LRBA: variants seen among roughly 807,000 people sequenced by gnomAD.
The protein encoded by LRBA is lipopolysaccharide-responsive and beige-like anchor protein.
Under a neutral mutation model 330.0 loss-of-function variants are expected in LRBA, and 176 were observed. The observed-to-expected ratio is 0.53, with a 90% CI of 0.47 to 0.60. The LOEUF (loss-of-function observed/expected upper bound fraction) is 0.60, where lower values mean the gene tolerates loss of function less well. Ranked by LOEUF, LRBA falls within the 20% of genes least tolerant of loss-of-function variation. LRBA has a pLI of 0.00. For missense variants in LRBA, 3,259 were observed against 3,444.8 expected, an observed-to-expected ratio of 0.95 and a Z score of 1.35; for synonymous variants, 1,230 against 1,193.0, an observed-to-expected ratio of 1.03 and a Z score of -0.64.
At chr4:150,641,195 G>A (rs1370126950) in intron 37 of LRBA, among the ~76,000 whole-genome samples, 3 of 152,000 alleles carry the variant, frequency 2.0e-5, no homozygotes, top group Non-Finnish European at 2.9e-5. Flanking sequence ...ACATTTCGCA[G>A]TAATATAATT....
At chr4:150,769,269 G>A (rs1354222774) in intron 34 of LRBA, among the ~76,000 whole-genome samples, 2 of 151,892 alleles carry the variant, frequency 1.3e-5, no homozygotes, top group South Asian at 2.1e-4. Flanking sequence ...TCTATGCCCC[G>A]GTATTAATCA....
intron 40 of LRBA, among the ~76,000 whole-genome samples, chr4:150,506,104 A>C (rs1349910249): frequency 6.6e-6 from 1 of 152,176 alleles, no homozygotes; most frequent in Admixed American, 6.5e-5. Context: ...CAACCAAAAA[A>C]AGTCCAGGAC....
chr4:150,418,305 C>T (rs1003561944), intron 46 of LRBA, among the ~76,000 whole-genome samples: 1 of 152,098 alleles, frequency 6.6e-6, no homozygotes, highest in Non-Finnish European at 1.5e-5. Flanking sequence ...TTTTTAAATA[C>T]ACATTTATTA....
chr4:150,744,135 T>A (rs1732384642), intron 35 of LRBA, among the ~76,000 whole-genome samples: 1 of 152,186 alleles, frequency 6.6e-6, no homozygotes, highest in Non-Finnish European at 1.5e-5. Context: ...AGTGTAATTT[T>A]AAAACCCACT....
chr4:150,915,320 T>C (rs1281218159), intron 8 of LRBA, among the ~76,000 whole-genome samples: 2 of 152,102 alleles, frequency 1.3e-5, no homozygotes, highest in Non-Finnish European at 2.9e-5. Context: ...CAGAACCCTA[T>C]AGTGGAGCTC....
chr4:150,538,900 T>G (rs1174007441), intron 40 of LRBA, among the ~76,000 whole-genome samples: 1 of 151,858 alleles, frequency 6.6e-6, no homozygotes, highest in Non-Finnish European at 1.5e-5. Context: ...CAAACCTCAG[T>G]GTTATTCAAT....
intron 36 of LRBA, chr4:150,721,590 T>G (rs916657411): frequency 5.8e-6 from 1 of 172,714 alleles, no homozygotes; most frequent in Non-Finnish European, 1.2e-5. Flanking sequence ...ACAGAAATTG[T>G]AGAACAAAAA....
intron 44 of LRBA, among the ~76,000 whole-genome samples, chr4:150,461,488 A>C (rs1754769210): frequency 6.6e-6 from 1 of 151,768 alleles, no homozygotes; most frequent in Non-Finnish European, 1.5e-5. Context: ...TAGTGTTCAA[A>C]TTCTGATTCT....
intron 37 of LRBA, among the ~76,000 whole-genome samples, chr4:150,662,125 G>T (rs752737496): frequency 1.3e-5 from 2 of 152,122 alleles, no homozygotes; most frequent in Admixed American, 6.5e-5. Context: ...AGATTAAGTG[G>T]AAAGTAAAAT....
At chr4:150,806,737 A>T (rs962269534) in intron 32 of LRBA, among the ~76,000 whole-genome samples, 1 of 151,884 alleles carries the variant, frequency 6.6e-6, no homozygotes, top group Non-Finnish European at 1.5e-5. Context: ...TCTTCAACAA[A>T]TTTTTCTATT....
At chr4:150,306,475 CAG>C (rs965677518) in intron 52 of LRBA, among the ~76,000 whole-genome samples, 3 of 152,056 alleles carry the variant, frequency 2.0e-5, no homozygotes, top group Non-Finnish European at 4.4e-5. Context: ...AAACTAGCAT[CAG>C]AGTTTTTATA....
At chr4:150,386,145 A>T (rs1013307366) in intron 47 of LRBA, among the ~76,000 whole-genome samples, 1 of 152,138 alleles carries the variant, frequency 6.6e-6, no homozygotes, top group African/African-American at 2.4e-5. Context: ...TACATGTAAG[A>T]TATTCTCAGT....
chr4:150,726,547 C>G (rs1180920025), intron 36 of LRBA, among the ~76,000 whole-genome samples: 2 of 152,166 alleles, frequency 1.3e-5, no homozygotes, highest in Non-Finnish European at 2.9e-5. Context: ...TTAATTGACT[C>G]ACAGATCCAT....
chr4:150,474,722 G>A (rs1396752117), intron 42 of LRBA, among the ~76,000 whole-genome samples: 1 of 151,970 alleles, frequency 6.6e-6, no homozygotes, highest in Non-Finnish European at 1.5e-5. Flanking sequence ...CTGTAAAGAG[G>A]GCTACTTTCT....
At chr4:150,459,049 T>C (rs1394457411) in intron 44 of LRBA, among the ~76,000 whole-genome samples, 1 of 151,882 alleles carries the variant, frequency 6.6e-6, no homozygotes, top group Non-Finnish European at 1.5e-5. Context: ...TCCCTAAATG[T>C]TTTATTTTTT....
chr4:150,418,279 T>C, intron 46 of LRBA, among the ~76,000 whole-genome samples: 1 of 152,156 alleles, frequency 6.6e-6, no homozygotes, highest in East Asian at 1.9e-4. Context: ...ATATATTTTA[T>C]TCCTGGCCCA....
At chr4:150,773,835 T>C (rs1736904983) in intron 34 of LRBA, among the ~76,000 whole-genome samples, 1 of 152,026 alleles carries the variant, frequency 6.6e-6, no homozygotes, top group Admixed American at 6.5e-5. Context: ...TGTGAGAGAG[T>C]GCTCACCTAA....
At chr4:150,601,863 T>G (rs1774153625) in intron 37 of LRBA, among the ~76,000 whole-genome samples, 1 of 151,732 alleles carries the variant, frequency 6.6e-6, no homozygotes, top group Non-Finnish European at 1.5e-5. Flanking sequence ...GGCTAATTTT[T>G]TGTGTTTTTA....
intron 47 of LRBA, among the ~76,000 whole-genome samples, chr4:150,411,743 C>T (rs184366723): frequency 2.3e-4 from 35 of 152,238 alleles, no homozygotes; most frequent in Non-Finnish European, 2.8e-4. Flanking sequence ...GGCTGCCTGA[C>T]GGGCTGCAGG....
Sources: gnomAD v4.1 joint callset for allele counts (sites outside exome capture counted in the v4.1 genomes callset) on GRCh38, gnomAD v4.1.1 for gene constraint, MANE v1.5 for transcripts, NCBI Gene and HGNC (gene_info 2026-07-23, HGNC 2026-07-21) for gene names.